The following AGPAT5 variants were observed in gnomAD, a reference collection of about 807,000 sequenced individuals.
AGPAT5 encodes 1-acylglycerol-3-phosphate O-acyltransferase 5, also known as 1-acyl-sn-glycerol-3-phosphate acyltransferase epsilon.
In AGPAT5, 46 loss-of-function variants were observed where a neutral mutation model predicts 45.6. The observed-to-expected ratio is 1.01, with a 90% CI of 0.80 to 1.29. The LOEUF (loss-of-function observed/expected upper bound fraction) is 1.29. Ranked by LOEUF, AGPAT5 falls within the 50% of genes most tolerant of loss-of-function variation. The pLI, the probability that AGPAT5 is intolerant of heterozygous loss-of-function variation, is 0.00. For missense variants in AGPAT5, 673 were observed against 450.7 expected (o/e 1.49, Z -4.47); for synonymous variants, 272 against 167.0 (o/e 1.63, Z -4.85).
intron 4 of AGPAT5, among the ~76,000 whole-genome samples, chr8:6,735,087 T>A (rs2116909676): frequency 6.6e-6 from 1 of 152,310 alleles, no homozygotes; most frequent in Non-Finnish European, 1.5e-5. Flanking sequence ...GGGTGGAGCC[T>A]TCTCTGATCC....
chr8:6,751,890 G>A (rs796899278), intron 6 of AGPAT5, among the ~76,000 whole-genome samples: 23 of 152,156 alleles, frequency 1.5e-4, no homozygotes, highest in African/African-American at 5.1e-4. Flanking sequence ...TATATTTAAA[G>A]TATGGAGGCC....
intron 3 of AGPAT5, among the ~76,000 whole-genome samples, chr8:6,731,423 A>C (rs1800859373): frequency 6.6e-6 from 1 of 152,202 alleles, no homozygotes. Flanking sequence ...TAACCTGTGC[A>C]CTACTTTAAA....
At chr8:6,734,509 G>A (rs28637760) in intron 4 of AGPAT5, among the ~76,000 whole-genome samples, 26,673 of 151,854 alleles carry the variant, frequency 0.18, 2,517 homozygotes, top group East Asian at 0.24. Flanking sequence ...GCTTAGTCAC[G>A]TTTTCCAGTT....
intron 1 of AGPAT5, among the ~76,000 whole-genome samples, chr8:6,721,098 A>G (rs1800480826): frequency 3.3e-5 from 5 of 152,254 alleles, no homozygotes; most frequent in Non-Finnish European, 7.3e-5. Context: ...TTGGGCAAGT[A>G]GCTGTTTGCT....
intron 2 of AGPAT5, among the ~76,000 whole-genome samples, chr8:6,729,945 C>T (rs1800807843): frequency 6.6e-6 from 1 of 152,164 alleles, no homozygotes; most frequent in African/African-American, 2.4e-5. Flanking sequence ...TGTTTGATTG[C>T]TGTCCTAACC....
chr8:6,735,786 A>G (rs972578202), intron 4 of AGPAT5, among the ~76,000 whole-genome samples: 8 of 152,026 alleles, frequency 5.3e-5, no homozygotes, highest in African/African-American at 1.4e-4. Flanking sequence ...AAAACTTGGA[A>G]CAATGTTAGA....
chr8:6,716,821 G>A (rs542401954), intron 1 of AGPAT5, among the ~76,000 whole-genome samples: 142 of 152,026 alleles, frequency 9.3e-4, no homozygotes, highest in African/African-American at 2.8e-3. Flanking sequence ...CAACAAGAGC[G>A]AAATTCCGTC....
intron 7 of AGPAT5, among the ~76,000 whole-genome samples, chr8:6,755,824 G>A (rs1801815153): frequency 1.3e-5 from 2 of 152,144 alleles, no homozygotes; most frequent in African/African-American, 2.4e-5. Context: ...ATGATTAAAA[G>A]TGTAATAGGT....
chr8:6,755,885 GATGTA>G (rs1161859017), intron 7 of AGPAT5, among the ~76,000 whole-genome samples: 1 of 152,146 alleles, frequency 6.6e-6, no homozygotes, highest in Non-Finnish European at 1.5e-5. Flanking sequence ...AACTGTACAT[GATGTA>G]ATGTATTCAG....
chr8:6,719,547 G>A (rs947137977), intron 1 of AGPAT5, among the ~76,000 whole-genome samples: 2 of 152,168 alleles, frequency 1.3e-5, no homozygotes, highest in Non-Finnish European at 2.9e-5. Context: ...GGTAGATTAT[G>A]TGGTTCACAC....
intron 1 of AGPAT5, among the ~76,000 whole-genome samples, chr8:6,711,305 C>G (rs896462957): frequency 1.3e-5 from 2 of 152,140 alleles, no homozygotes; most frequent in South Asian, 4.1e-4. Context: ...GGGTAAATAC[C>G]TTTTTCTTCC....
rs765271343 is a variant in AGPAT5, at chr8:6,757,516, A to C, written c.*128A>C. ...AAGCCTTGTTGATTGAAGATTGGAT[A>C]ATAGAATTTGTGACGAAAGCTGATA... On this transcript the variant is annotated 3_prime_UTR_variant, in exon 8 of 8. Transcript: ENST00000285518. 1.3e-6 allele frequency: 1 copy of C among 749,108 alleles called. No individual in the cohort carries two copies. The highest frequency in any genetic ancestry group is 2.2e-6 in the Non-Finnish European group (1 of 461,400). The allele number at this position is 749,108 out of a possible 1,614,324, so 46.4% of individuals were successfully genotyped here.
intron 2 of AGPAT5, among the ~76,000 whole-genome samples, chr8:6,727,196 T>A (rs1286103216): frequency 6.6e-6 from 1 of 152,180 alleles, no homozygotes; most frequent in Non-Finnish European, 1.5e-5. Context: ...ATAAATGAGT[T>A]TCCTGGCCTG....
rs185414561 is a variant in AGPAT5 at position 6,760,254 on chromosome 8, A to C, written c.*2866A>C. 4.6e-5 allele frequency among the ~76,000 whole-genome samples: 7 copies of C among 152,220 alleles called. No individual in the cohort carries two copies. The East Asian group carries it at 1.4e-3, about 29-fold the overall frequency. On this transcript the variant is annotated 3_prime_UTR_variant, in exon 8 of 8. Transcript: ENST00000285518. ...AAAAATTAAAAAAAATTAGCCAGGC[A>C]TGGTGGCGTACACTGAGTAGTTTGT...
intron 7 of AGPAT5, among the ~76,000 whole-genome samples, chr8:6,756,024 TA>T (rs1486454063): frequency 6.6e-6 from 1 of 152,242 alleles, no homozygotes; most frequent in African/African-American, 2.4e-5. Context: ...ATTTTATAAG[TA>T]TTTAGAATAC....
chr8:6,739,502 C>G (rs1801166330), intron 4 of AGPAT5, among the ~76,000 whole-genome samples: 1 of 151,990 alleles, frequency 6.6e-6, no homozygotes, highest in Non-Finnish European at 1.5e-5. Context: ...ACATCTTTTG[C>G]CAGATATATC....
chr8:6,747,020 G>A (rs754272512), intron 5 of AGPAT5, among the ~76,000 whole-genome samples: 8 of 152,170 alleles, frequency 5.3e-5, no homozygotes, highest in African/African-American at 9.7e-5. Context: ...GATTGAAATC[G>A]TATGTTCATA....
intron 1 of AGPAT5, among the ~76,000 whole-genome samples, chr8:6,710,933 T>G (rs1800135951): frequency 6.6e-6 from 1 of 152,206 alleles, no homozygotes; most frequent in African/African-American, 2.4e-5. Flanking sequence ...TGAATTGTTT[T>G]TATCAGCTTT....
intron 3 of AGPAT5, among the ~76,000 whole-genome samples, chr8:6,731,432 A>T (rs1019592289): frequency 2.6e-5 from 4 of 152,166 alleles, no homozygotes; most frequent in Admixed American, 1.3e-4. Flanking sequence ...CACTACTTTA[A>T]ATCATCTCTA....
Sources: gnomAD v4.1 joint callset for allele counts (sites outside exome capture counted in the v4.1 genomes callset) on GRCh38, gnomAD v4.1.1 for gene constraint, MANE v1.5 for transcripts, NCBI Gene and HGNC (gene_info 2026-07-23, HGNC 2026-07-21) for gene names.